CCDC85A: variants seen among roughly 807,000 people sequenced by gnomAD.
CCDC85A encodes coiled-coil domain-containing protein 85A.
CCDC85A carries 38 observed loss-of-function variants against 50.2 expected under a neutral mutation model. The ratio of observed to expected loss-of-function variants is 0.76; its 90% CI spans 0.58 to 0.99. CCDC85A has a LOEUF of 0.99. Ranked by LOEUF, CCDC85A falls within the 50% of genes least tolerant of loss-of-function variation. The probability of loss-of-function intolerance (pLI) is 0.00; values close to 1 mark genes in which losing one functional copy is unlikely to be tolerated. For synonymous variants in CCDC85A, 366 were observed against 301.4 expected, an observed-to-expected ratio of 1.21 and a Z score of -2.22; for missense variants, 820 against 742.0, an observed-to-expected ratio of 1.11 and a Z score of -1.22.
intron 4 of CCDC85A, among the ~76,000 whole-genome samples, chr2:56,373,464 A>G (rs764338251): frequency 2.0e-5 from 3 of 152,134 alleles, no homozygotes; most frequent in Admixed American, 6.5e-5. Context: ...GGCTCAGATG[A>G]TTTGGTTTAA....
At position 56,347,747 on chromosome 2, in the gene CCDC85A, A is replaced by G. The variant is rs376367286; in HGVS notation, c.1317+4792A>G. 1.7e-3 allele frequency among the ~76,000 whole-genome samples: 266 copies of G among 152,342 alleles called. 1 individual carries two copies. Among genetic ancestry groups the G allele is most frequent in the African/African-American group, 5.7e-3 (239 of 41,588 alleles). On this transcript the variant is annotated intron_variant, in intron 3 of 5. Coordinates refer to ENST00000407595, the MANE Select transcript of CCDC85A (RefSeq NM_001080433.2). The stretch of plus-strand genomic sequence containing the variant: ...GTGGATAGGGGGAACTGATAGTTAC[A>G]GTCATGGTTTTAAAACTGAAATTTT...
At chr2:56,352,841 A>C (rs144294221) in intron 3 of CCDC85A, among the ~76,000 whole-genome samples, 1 of 152,250 alleles carries the variant, frequency 6.6e-6, no homozygotes, top group Non-Finnish European at 1.5e-5. Flanking sequence ...TCTGTCTTTA[A>C]TCAGTTTTTA....
chr2:56,200,999 T>C (rs1290045507), intron 2 of CCDC85A, among the ~76,000 whole-genome samples: 3 of 151,530 alleles, frequency 2.0e-5, no homozygotes, highest in Non-Finnish European at 4.4e-5. Flanking sequence ...GGCTTTTCCA[T>C]GAGACAGGAG....
chr2:56,253,322 G>A (rs1467307083), intron 2 of CCDC85A, among the ~76,000 whole-genome samples: 3 of 152,190 alleles, frequency 2.0e-5, no homozygotes, highest in Non-Finnish European at 1.5e-5. Context: ...TGCCTGAGCT[G>A]AGAGCTGAAG....
chr2:56,344,429 C>T (rs917708147), intron 3 of CCDC85A, among the ~76,000 whole-genome samples: 4 of 152,112 alleles, frequency 2.6e-5, no homozygotes, highest in Non-Finnish European at 4.4e-5. Flanking sequence ...CTACTCAAAA[C>T]GGCCCACAAT....
At chr2:56,209,900 C>G (rs1037241274) in intron 2 of CCDC85A, among the ~76,000 whole-genome samples, 23 of 152,044 alleles carry the variant, frequency 1.5e-4, no homozygotes, top group Admixed American at 1.5e-3. Context: ...TGTATGACTT[C>G]CAAACTTACT....
chr2:56,352,862 A>G (rs1452350518), intron 3 of CCDC85A, among the ~76,000 whole-genome samples: 1 of 152,046 alleles, frequency 6.6e-6, no homozygotes, highest in Non-Finnish European at 1.5e-5. Context: ...GACCAGGAGG[A>G]CACCCTTAAC....
intron 2 of CCDC85A, among the ~76,000 whole-genome samples, chr2:56,248,177 T>C (rs952644380): frequency 3.3e-5 from 5 of 152,252 alleles, no homozygotes; most frequent in African/African-American, 1.2e-4. Flanking sequence ...TCTCTGAATA[T>C]TCCATAGAAA....
chr2:56,299,382 C>T (rs1400271760), intron 2 of CCDC85A, among the ~76,000 whole-genome samples: 2 of 152,138 alleles, frequency 1.3e-5, no homozygotes, highest in Non-Finnish European at 2.9e-5. Flanking sequence ...TGATTTCTTC[C>T]TTGATTAGTC....
intron 3 of CCDC85A, among the ~76,000 whole-genome samples, chr2:56,362,475 A>G (rs1190516717): frequency 6.6e-6 from 1 of 152,098 alleles, no homozygotes; most frequent in Non-Finnish European, 1.5e-5. Flanking sequence ...TCATCAATGA[A>G]TGCTGAGGGA....
At chr2:56,359,112 ACT>A (rs1472562634) in intron 3 of CCDC85A, among the ~76,000 whole-genome samples, 1 of 151,904 alleles carries the variant, frequency 6.6e-6, no homozygotes, top group Non-Finnish European at 1.5e-5. Flanking sequence ...GTACATAAAG[ACT>A]TTATACAAAT....
Position 56,187,956 on chromosome 2 carries a change from A to G in CCDC85A, c.276+3056A>G, listed in dbSNP as rs371020388. On this transcript the variant is annotated intron_variant, in intron 1 of 5. Coordinates refer to ENST00000407595, the MANE Select transcript of CCDC85A (RefSeq NM_001080433.2). ...ATTTCCCTCCTTGGTTCCTAACCCA[A>G]CCACCGACCCGCCCACCACCCTGCT... 1.6e-4 allele frequency among the ~76,000 whole-genome samples: 25 copies of G among 152,330 alleles called. No individual in the cohort carries two copies. In the South Asian group the frequency reaches 4.8e-3, roughly 29 times the overall value.
chr2:56,351,463 C>A (rs1390157688), intron 3 of CCDC85A, among the ~76,000 whole-genome samples: 4 of 144,320 alleles, frequency 2.8e-5, no homozygotes, highest in African/African-American at 5.3e-5. Flanking sequence ...TTTACAGTCC[C>A]ACCAACAGTG....
intron 2 of CCDC85A, among the ~76,000 whole-genome samples, chr2:56,341,301 T>G (rs1044239424): frequency 1.3e-5 from 2 of 152,118 alleles, no homozygotes; most frequent in Non-Finnish European, 2.9e-5. Flanking sequence ...GTACCAGGTT[T>G]TTTCTATCTA....
intron 3 of CCDC85A, among the ~76,000 whole-genome samples, chr2:56,360,663 A>G (rs1429912125): frequency 3.3e-5 from 5 of 152,172 alleles, no homozygotes; most frequent in Admixed American, 3.3e-4. Flanking sequence ...TTTTCTTCCT[A>G]TCACACAGAG....
chr2:56,267,731 G>A (rs1298452622), intron 2 of CCDC85A, among the ~76,000 whole-genome samples: 2 of 152,200 alleles, frequency 1.3e-5, no homozygotes, highest in African/African-American at 4.8e-5. Context: ...ACACTGGAGA[G>A]TGGAATTCAG....
intron 2 of CCDC85A, among the ~76,000 whole-genome samples, chr2:56,252,650 G>T (rs1227194060): frequency 6.6e-6 from 1 of 152,040 alleles, no homozygotes; most frequent in African/African-American, 2.4e-5. Flanking sequence ...CCATCAACCC[G>T]TCATCTACAT....
At chr2:56,185,502 T>G (rs1178533511) in intron 1 of CCDC85A, among the ~76,000 whole-genome samples, 2 of 152,198 alleles carry the variant, frequency 1.3e-5, no homozygotes, top group Admixed American at 6.5e-5. Flanking sequence ...TCCCGGAGTT[T>G]GGAAGGCATC....
At chr2:56,368,670 A>G (rs1244466973) in intron 3 of CCDC85A, among the ~76,000 whole-genome samples, 2 of 152,068 alleles carry the variant, frequency 1.3e-5, no homozygotes, top group African/African-American at 4.8e-5. Flanking sequence ...ATAGTGAATG[A>G]GAGGGCTGGG....
Sources: gnomAD v4.1 joint callset for allele counts (sites outside exome capture counted in the v4.1 genomes callset) on GRCh38, gnomAD v4.1.1 for gene constraint, MANE v1.5 for transcripts, NCBI Gene and HGNC (gene_info 2026-07-23, HGNC 2026-07-21) for gene names.